The following TNKS variants were observed in gnomAD, a reference collection of about 807,000 sequenced individuals.
The protein encoded by TNKS is poly [ADP-ribose] polymerase tankyrase-1.
In TNKS, 72 loss-of-function variants were observed where a neutral mutation model predicts 135.8. That is an observed-to-expected ratio of 0.53 (90% CI 0.44 to 0.64). The LOEUF (loss-of-function observed/expected upper bound fraction) is 0.64, where lower values mean the gene tolerates loss of function less well. Among genes scored for constraint, TNKS ranks in the 30% least tolerant of loss-of-function variants. The probability of loss-of-function intolerance (pLI) is 0.00; values close to 1 mark genes in which losing one functional copy is unlikely to be tolerated. For missense variants in TNKS, 1,769 were observed against 1,674.0 expected (o/e 1.06, Z -0.99); for synonymous variants, 849 against 649.3 (o/e 1.31, Z -4.68).
chr8:9,562,407 C>T (rs1797373894), intron 1 of TNKS, among the ~76,000 whole-genome samples: 1 of 151,956 alleles, frequency 6.6e-6, no homozygotes, highest in Non-Finnish European at 1.5e-5. Context: ...TTATCTGGCC[C>T]CAAGTCATAG....
intron 2 of TNKS, among the ~76,000 whole-genome samples, chr8:9,584,302 C>T (rs186117700): frequency 2.6e-5 from 4 of 151,790 alleles, no homozygotes; most frequent in South Asian, 2.1e-4. Context: ...GAGAGGAATG[C>T]GGAAACTGGT....
At chr8:9,583,010 C>T (rs1376356459) in intron 2 of TNKS, among the ~76,000 whole-genome samples, 2 of 151,508 alleles carry the variant, frequency 1.3e-5, no homozygotes, top group East Asian at 1.9e-4. Flanking sequence ...ACTAAAAATA[C>T]AAAAAAATTA....
chr8:9,772,795 G>A (rs897104339), intron 26 of TNKS, among the ~76,000 whole-genome samples: 1 of 124,626 alleles, frequency 8.0e-6, no homozygotes, highest in Non-Finnish European at 1.6e-5. Context: ...TGGGGAGAAT[G>A]TGTGTGTGTG....
chr8:9,568,899 C>T (rs1797653037), intron 1 of TNKS, among the ~76,000 whole-genome samples: 1 of 152,140 alleles, frequency 6.6e-6, no homozygotes, highest in Non-Finnish European at 1.5e-5. Flanking sequence ...TTTTATACTT[C>T]TGCTGTGTTA....
At chr8:9,567,335 A>G (rs1374883463) in intron 1 of TNKS, among the ~76,000 whole-genome samples, 2 of 152,254 alleles carry the variant, frequency 1.3e-5, no homozygotes, top group Non-Finnish European at 2.9e-5. Flanking sequence ...TATAAACATA[A>G]AAAGTGTGAT....
chr8:9,766,388 C>G lies in TNKS; in HGVS notation c.3703C>G (p.Pro1235Ala). 1 of 1,613,212 alleles carries G rather than the reference C, an allele frequency of 6.2e-7. No individual in the cohort carries two copies. The highest frequency in any genetic ancestry group is 8.5e-7 in the Non-Finnish European group (1 of 1,179,476). ...VYGIGGGTGC[P>A]THKDRSCYIC... Reference sequence around the variant, plus strand: ...TGGAATTGGAGGAGGAACAGGCTGCCCTACACACAAGGACAGGTCATGCTA... The same window carrying G: ...TGGAATTGGAGGAGGAACAGGCTGCGCTACACACAAGGACAGGTCATGCTA... Residue 1235 changes from proline (P) to alanine (A), a missense_variant, in exon 25 of 27, where the codon CCT (proline) becomes GCT (alanine). By Grantham distance (27) the Pro-to-Ala change is conservative (BLOSUM62 -1). Transcript: ENST00000310430.
intron 17 of TNKS, 139 bp from the exon 18 acceptor site, chr8:9,747,885 T>C: frequency 1.2e-6 from 1 of 847,428 alleles, no homozygotes; most frequent in Non-Finnish European, 1.8e-6. Context: ...GAAATACTCT[T>C]TTTTTTAGAA....
intron 3 of TNKS, among the ~76,000 whole-genome samples, chr8:9,643,860 A>G (rs1192560850): frequency 6.6e-6 from 1 of 152,214 alleles, no homozygotes; most frequent in Non-Finnish European, 1.5e-5. Context: ...ACCAGTAGGT[A>G]AAAGCAACCC....
chr8:9,765,339 C>T (rs1043138022), intron 23 of TNKS, among the ~76,000 whole-genome samples: 1 of 151,536 alleles, frequency 6.6e-6, no homozygotes, highest in Non-Finnish European at 1.5e-5. Context: ...TCAGAATAAC[C>T]CAGGGAACTT....
chr8:9,760,983 A>G (rs1430763768), intron 20 of TNKS, among the ~76,000 whole-genome samples: 1 of 152,200 alleles, frequency 6.6e-6, no homozygotes, highest in East Asian at 1.9e-4. Context: ...TGAGATGTCA[A>G]TCTCACTGCT....
chr8:9,631,086 A>G (rs1255280118), intron 3 of TNKS, among the ~76,000 whole-genome samples: 1 of 152,238 alleles, frequency 6.6e-6, no homozygotes, highest in Non-Finnish European at 1.5e-5. Flanking sequence ...TTTTTAAACT[A>G]GATATTCTTG....
chr8:9,725,647 C>G (rs1474650314), intron 12 of TNKS, among the ~76,000 whole-genome samples: 1 of 152,166 alleles, frequency 6.6e-6, no homozygotes, highest in Non-Finnish European at 1.5e-5. Flanking sequence ...TAAACTGTTA[C>G]ATGAGTTGTC....
At chr8:9,760,015 G>A (rs768689859) in intron 20 of TNKS, among the ~76,000 whole-genome samples, 6 of 151,850 alleles carry the variant, frequency 4.0e-5, no homozygotes, top group Middle Eastern at 3.5e-3. Context: ...AGTAAAGTCT[G>A]AGAATTCTCT....
intron 2 of TNKS, among the ~76,000 whole-genome samples, chr8:9,582,148 C>T (rs762972648): frequency 1.3e-5 from 2 of 152,172 alleles, no homozygotes; most frequent in Non-Finnish European, 2.9e-5. Context: ...ACTTAATTAG[C>T]TTGCAGAAAC....
At chr8:9,636,572 T>C (rs1417613958) in intron 3 of TNKS, among the ~76,000 whole-genome samples, 1 of 152,194 alleles carries the variant, frequency 6.6e-6, no homozygotes, top group African/African-American at 2.4e-5. Context: ...GATCAGAGCA[T>C]TTTATGGGCA....
chr8:9,682,528 C>G (rs533039690), intron 5 of TNKS, among the ~76,000 whole-genome samples: 3 of 152,158 alleles, frequency 2.0e-5, no homozygotes, highest in South Asian at 4.1e-4. Flanking sequence ...ATTCCTCATC[C>G]AAATTCTTGT....
intron 3 of TNKS, among the ~76,000 whole-genome samples, chr8:9,662,406 T>C (rs1485797431): frequency 6.6e-6 from 1 of 152,170 alleles, no homozygotes; most frequent in Non-Finnish European, 1.5e-5. Context: ...CATGGAATAC[T>C]ATGCAGCCAT....
intron 5 of TNKS, among the ~76,000 whole-genome samples, chr8:9,701,643 A>G (rs960659985): frequency 2.6e-5 from 4 of 152,226 alleles, no homozygotes; most frequent in African/African-American, 9.6e-5. Flanking sequence ...GACATTGAGC[A>G]TCAGGCAGTA....
chr8:9,646,658 C>G (rs1262608312), intron 3 of TNKS, among the ~76,000 whole-genome samples: 2 of 152,106 alleles, frequency 1.3e-5, no homozygotes, highest in African/African-American at 4.8e-5. Context: ...ACCTTGAAGG[C>G]CATTTAGTCC....
Sources: allele counts gnomAD v4.1 joint callset (sites outside exome capture counted in the v4.1 genomes callset), GRCh38; gene constraint gnomAD v4.1.1; transcripts MANE v1.5; gene names NCBI Gene and HGNC (gene_info 2026-07-23, HGNC 2026-07-21).